Variants in SPOCK1 observed in about 807,000 individuals in gnomAD.
The protein encoded by SPOCK1 is testican-1.
In SPOCK1, 23 loss-of-function variants were observed where a neutral mutation model predicts 55.3. The ratio of observed to expected loss-of-function variants is 0.42; its 90% CI spans 0.30 to 0.59. The LOEUF (loss-of-function observed/expected upper bound fraction) is 0.59. Among genes scored for constraint, SPOCK1 ranks in the 20% least tolerant of loss-of-function variants. SPOCK1 has a pLI of 0.22. For synonymous variants in SPOCK1, 226 were observed against 221.0 expected (o/e 1.02, Z -0.20); for missense variants, 499 against 552.5 (o/e 0.90, Z 0.97).
chr5:137,043,691 C>A (rs1006066245), intron 6 of SPOCK1, among the ~76,000 whole-genome samples: 1 of 152,178 alleles, frequency 6.6e-6, no homozygotes, highest in Non-Finnish European at 1.5e-5. Flanking sequence ...ATTAGACCAA[C>A]ATGGAACAAA....
intron 3 of SPOCK1, among the ~76,000 whole-genome samples, chr5:137,266,409 T>G (rs1266060310): frequency 6.6e-6 from 1 of 152,202 alleles, no homozygotes; most frequent in Non-Finnish European, 1.5e-5. Context: ...AGGAGGACAC[T>G]GTTAGTGATT....
chr5:137,092,476 G>A (rs1418686247), intron 5 of SPOCK1, among the ~76,000 whole-genome samples: 1 of 152,170 alleles, frequency 6.6e-6, no homozygotes, highest in Non-Finnish European at 1.5e-5. Context: ...CTTCTCTTAT[G>A]TAACTCTGTC....
At chr5:137,010,810 C>T (rs1243678287) in intron 6 of SPOCK1, among the ~76,000 whole-genome samples, 5 of 152,162 alleles carry the variant, frequency 3.3e-5, no homozygotes, top group Non-Finnish European at 2.9e-5. Flanking sequence ...GAAATTGGGT[C>T]TCTGGGTTTA....
At chr5:137,368,561 G>A (rs139237382) in intron 2 of SPOCK1, among the ~76,000 whole-genome samples, 1 of 152,316 alleles carries the variant, frequency 6.6e-6, no homozygotes, top group East Asian at 1.9e-4. Context: ...AGGACAGTGT[G>A]CATGGGGGAC....
rs181063110 is a variant in SPOCK1, at chr5:137,226,933, A to G, written c.232+40077T>C. On this transcript the variant is annotated intron_variant, in intron 3 of 10. Coordinates refer to ENST00000394945, the MANE Select transcript of SPOCK1 (RefSeq NM_004598.4). ...AAGTACCTAATAAAAAATGTGATGT[A>G]ACAGGTGCTCAAGAAATATTTATAA... 3.0e-3 allele frequency among the ~76,000 whole-genome samples: 463 copies of G among 152,356 alleles called. 19 individuals are homozygous for G. Among genetic ancestry groups the G allele is most frequent in the Admixed American group, 0.026 (403 of 15,304 alleles).
intron 2 of SPOCK1, among the ~76,000 whole-genome samples, chr5:137,393,387 A>G (rs977166305): frequency 1.1e-4 from 16 of 152,342 alleles, no homozygotes; most frequent in African/African-American, 3.6e-4. Context: ...GAGATGAGAC[A>G]CATGGAGTTG....
intron 3 of SPOCK1, among the ~76,000 whole-genome samples, chr5:137,154,866 G>A (rs1043007976): frequency 6.6e-6 from 1 of 152,162 alleles, no homozygotes; most frequent in South Asian, 2.1e-4. Flanking sequence ...TCACCAACAC[G>A]TGTGATAGAA....
chr5:137,131,597 G>C (rs1190772373), intron 4 of SPOCK1, among the ~76,000 whole-genome samples: 2 of 148,888 alleles, frequency 1.3e-5, no homozygotes, highest in South Asian at 2.2e-4. Context: ...AACAGAGTGA[G>C]ACTCCATCTC....
intron 3 of SPOCK1, among the ~76,000 whole-genome samples, chr5:137,245,186 T>A (rs776586226): frequency 2.0e-5 from 3 of 152,210 alleles, no homozygotes; most frequent in Non-Finnish European, 4.4e-5. Context: ...GGCATTAAGC[T>A]TCCAGGTGAG....
At chr5:137,162,814 C>A (rs987292663) in intron 3 of SPOCK1, among the ~76,000 whole-genome samples, 19 of 152,294 alleles carry the variant, frequency 1.2e-4, no homozygotes, top group Non-Finnish European at 1.9e-4. Context: ...ATGAACCTGG[C>A]AGTTGTTGGA....
chr5:137,299,259 C>T (rs1193451333), intron 2 of SPOCK1, among the ~76,000 whole-genome samples: 1 of 152,078 alleles, frequency 6.6e-6, no homozygotes, highest in Admixed American at 6.5e-5. Context: ...CCCCTCCCCA[C>T]ATCCTGTTCC....
At chr5:137,453,236 G>A (rs952589608) in intron 2 of SPOCK1, among the ~76,000 whole-genome samples, 1 of 152,176 alleles carries the variant, frequency 6.6e-6, no homozygotes, top group African/African-American at 2.4e-5. Flanking sequence ...AATGCTAATG[G>A]TACCAGAAGT....
chr5:137,268,314 C>T (rs1312785977), intron 2 of SPOCK1, among the ~76,000 whole-genome samples: 1 of 152,136 alleles, frequency 6.6e-6, no homozygotes, highest in African/African-American at 2.4e-5. Context: ...CCTCTGGATC[C>T]AGAGGATTCA....
chr5:137,172,940 G>A (rs1754780892), intron 3 of SPOCK1, among the ~76,000 whole-genome samples: 1 of 152,182 alleles, frequency 6.6e-6, no homozygotes, highest in East Asian at 1.9e-4. Flanking sequence ...TAAGCACATG[G>A]TTGACCAGGA....
chr5:136,989,209 G>A (rs761161430), intron 7 of SPOCK1, among the ~76,000 whole-genome samples: 11 of 152,212 alleles, frequency 7.2e-5, no homozygotes, highest in Non-Finnish European at 1.3e-4. Flanking sequence ...ATCCCCTAAG[G>A]AGATCCATGA....
intron 6 of SPOCK1, among the ~76,000 whole-genome samples, chr5:137,060,326 T>C (rs2127002404): frequency 6.6e-6 from 1 of 152,280 alleles, no homozygotes. Flanking sequence ...GAGGCCATTA[T>C]CCTAAGCAAA....
At chr5:137,091,482 G>T (rs1325707489) in intron 5 of SPOCK1, among the ~76,000 whole-genome samples, 1 of 152,202 alleles carries the variant, frequency 6.6e-6, no homozygotes, top group African/African-American at 2.4e-5. Flanking sequence ...TGTCTACTGA[G>T]AGTGGTGCCC....
intron 5 of SPOCK1, among the ~76,000 whole-genome samples, chr5:137,097,904 G>A (rs951737074): frequency 1.3e-5 from 2 of 152,076 alleles, no homozygotes; most frequent in South Asian, 2.1e-4. Flanking sequence ...CACCACCATC[G>A]GGCAGAACAT....
At chr5:137,281,407 A>G (rs1757163409) in intron 2 of SPOCK1, among the ~76,000 whole-genome samples, 1 of 152,272 alleles carries the variant, frequency 6.6e-6, no homozygotes, top group Non-Finnish European at 1.5e-5. Flanking sequence ...GAATGTTTCC[A>G]GGCAGCTGAA....
Sources: allele counts gnomAD v4.1 joint callset (sites outside exome capture counted in the v4.1 genomes callset), GRCh38; gene constraint gnomAD v4.1.1; transcripts MANE v1.5; gene names NCBI Gene and HGNC (gene_info 2026-07-23, HGNC 2026-07-21).